IQCM: variants seen among roughly 807,000 people sequenced by gnomAD.
IQCM encodes IQ motif containing M.
In IQCM, 45 loss-of-function variants were observed where a neutral mutation model predicts 57.6. The observed-to-expected ratio is 0.78, with a 90% CI of 0.62 to 1.00. IQCM has a LOEUF of 1.00. IQCM is among the 50% of genes least tolerant of loss of function. The pLI, the probability that IQCM is intolerant of heterozygous loss-of-function variation, is 0.00. For synonymous variants in IQCM, 148 were observed against 158.9 expected, an observed-to-expected ratio of 0.93 and a Z score of 0.51; for missense variants, 468 against 511.6, an observed-to-expected ratio of 0.91 and a Z score of 0.82.
intron 12 of IQCM, among the ~76,000 whole-genome samples, chr4:149,466,068 C>T (rs1228988432): frequency 1.3e-5 from 2 of 152,186 alleles, no homozygotes; most frequent in Non-Finnish European, 2.9e-5. Flanking sequence ...ACCCAGCTGA[C>T]TCAATACATC....
intron 5 of IQCM, among the ~76,000 whole-genome samples, chr4:149,703,762 T>C (rs1338011577): frequency 1.3e-5 from 2 of 151,916 alleles, no homozygotes. Context: ...CTTGTGGCTG[T>C]CAAAGGGAAA....
intron 12 of IQCM, among the ~76,000 whole-genome samples, chr4:149,532,783 T>C (rs1167919984): frequency 6.6e-6 from 1 of 152,144 alleles, no homozygotes; most frequent in African/African-American, 2.4e-5. Flanking sequence ...GCAGTGAACA[T>C]GCAAGGTATG....
intron 3 of IQCM, among the ~76,000 whole-genome samples, chr4:149,740,144 C>T (rs1265747560): frequency 6.6e-6 from 1 of 152,222 alleles, no homozygotes; most frequent in Non-Finnish European, 1.5e-5. Context: ...TAATAGGCTA[C>T]ATTCTTCAGA....
chr4:149,677,480 A>C (rs1489411132), intron 7 of IQCM, among the ~76,000 whole-genome samples: 1 of 152,100 alleles, frequency 6.6e-6, no homozygotes, highest in Non-Finnish European at 1.5e-5. Context: ...CTAGAACTGA[A>C]AAGGAGGCAG....
At chr4:149,706,713 G>A (rs978005792) in intron 5 of IQCM, among the ~76,000 whole-genome samples, 3 of 151,888 alleles carry the variant, frequency 2.0e-5, no homozygotes, top group African/African-American at 7.3e-5. Context: ...ATGTAACGTA[G>A]CATAATTACA....
At chr4:149,634,562 C>T (rs1208456169) in intron 7 of IQCM, among the ~76,000 whole-genome samples, 5 of 152,092 alleles carry the variant, frequency 3.3e-5, no homozygotes, top group Non-Finnish European at 5.9e-5. Flanking sequence ...AAAACATGAA[C>T]AAAAAGTCCT....
At chr4:149,753,757 CA>C (rs201154511) in intron 2 of IQCM, among the ~76,000 whole-genome samples, 250 of 116,652 alleles carry the variant, frequency 2.1e-3, no homozygotes, top group Middle Eastern at 6.5e-3. Context: ...ACACTGAGAC[CA>C]AAAAAAAAAA....
intron 5 of IQCM, chr4:149,691,054 T>C (rs917741091): frequency 6.6e-6 from 1 of 152,140 alleles, no homozygotes; most frequent in Non-Finnish European, 1.5e-5. Flanking sequence ...AGTGATATCA[T>C]ATTAAGGTAA....
At chr4:149,369,761 G>A (rs192493842) in intron 13 of IQCM, among the ~76,000 whole-genome samples, 257 of 152,164 alleles carry the variant, frequency 1.7e-3, no homozygotes, top group African/African-American at 5.9e-3. Flanking sequence ...ATAATCTTTT[G>A]GGTTCTAATT....
chr4:149,712,504 C>T (rs1764647820), intron 5 of IQCM, among the ~76,000 whole-genome samples: 1 of 152,078 alleles, frequency 6.6e-6, no homozygotes, highest in African/African-American at 2.4e-5. Context: ...CACTTACGCT[C>T]ATATATTCAC....
intron 13 of IQCM, among the ~76,000 whole-genome samples, chr4:149,384,348 C>T (rs1459298310): frequency 6.6e-6 from 1 of 152,096 alleles, no homozygotes; most frequent in Non-Finnish European, 1.5e-5. Flanking sequence ...ATTCTCTGTC[C>T]TCCCACTTTC....
intron 2 of IQCM, among the ~76,000 whole-genome samples, chr4:149,749,604 T>A (rs1328702899): frequency 6.6e-6 from 1 of 152,142 alleles, no homozygotes; most frequent in Non-Finnish European, 1.5e-5. Flanking sequence ...CATTTCTTTA[T>A]CAGAGGGTGA....
chr4:149,392,763 C>T lies in IQCM; in HGVS notation c.1390+40633G>A, dbSNP rs574971405. On this transcript the variant is annotated intron_variant, in intron 13 of 13. Coordinates refer to ENST00000636793, the MANE Select transcript of IQCM (RefSeq NM_001363507.2). ...TTACACAATGCTCCAGGAAAAAGGC[C>T]ACCATCAGTGAATGCAGAACACTGA... Among the ~76,000 whole-genome samples, 23 of 151,992 alleles carry T rather than the reference C, an allele frequency of 1.5e-4. No individual in the cohort carries two copies. In the South Asian group the frequency reaches 4.4e-3, roughly 29 times the overall value.
intron 13 of IQCM, among the ~76,000 whole-genome samples, chr4:149,352,776 T>C (rs559382285): frequency 1.3e-5 from 2 of 152,334 alleles, no homozygotes; most frequent in East Asian, 1.9e-4. Flanking sequence ...CCACTATTCA[T>C]ATAGATTGGT....
At position 149,773,596 on chromosome 4, in the gene IQCM, C is replaced by A. The variant is rs189114977; in HGVS notation, c.-48-30857G>T. On this transcript the variant is annotated intron_variant, in intron 2 of 13. Transcript: ENST00000636793. Reference sequence around the variant, plus strand: ...GATTTAATCCACATTTCTCACATTTCTTTTTACATCAAACTGTAAGATAAA... The same window carrying A: ...GATTTAATCCACATTTCTCACATTTATTTTTACATCAAACTGTAAGATAAA... Among the ~76,000 whole-genome samples the A allele has an allele frequency of 2.0e-3, 298 of 152,242 alleles. 2 individuals carry two copies. The highest frequency in any genetic ancestry group is 6.8e-3 in the African/African-American group (283 of 41,546).
chr4:149,450,217 A>G (rs1736960810), intron 12 of IQCM, among the ~76,000 whole-genome samples: 1 of 151,922 alleles, frequency 6.6e-6, no homozygotes, highest in Non-Finnish European at 1.5e-5. Flanking sequence ...ATCTAAATGG[A>G]TTAAATACTT....
chr4:149,380,452 G>C (rs1730999117), intron 13 of IQCM, among the ~76,000 whole-genome samples: 1 of 151,958 alleles, frequency 6.6e-6, no homozygotes, highest in African/African-American at 2.4e-5. Flanking sequence ...ATTAATTTTA[G>C]GAAAATTTTG....
At chr4:149,661,431 C>A (rs1406207007) in intron 7 of IQCM, among the ~76,000 whole-genome samples, 1 of 151,986 alleles carries the variant, frequency 6.6e-6, no homozygotes, top group Admixed American at 6.6e-5. Context: ...GTTGTTGTGT[C>A]CTTGTCTGTT....
intron 7 of IQCM, among the ~76,000 whole-genome samples, chr4:149,667,545 C>T (rs1234103732): frequency 6.6e-6 from 1 of 151,930 alleles, no homozygotes; most frequent in Non-Finnish European, 1.5e-5. Flanking sequence ...ACAACTCCTC[C>T]CCAGCAAGGG....
Sources: gnomAD v4.1 joint callset for allele counts (sites outside exome capture counted in the v4.1 genomes callset) on GRCh38, gnomAD v4.1.1 for gene constraint, MANE v1.5 for transcripts, NCBI Gene and HGNC (gene_info 2026-07-23, HGNC 2026-07-21) for gene names.